TNRC6A: variants seen among roughly 807,000 people sequenced by gnomAD.
The protein encoded by TNRC6A is trinucleotide repeat containing adaptor 6A, also known as trinucleotide repeat-containing gene 6A protein.
In TNRC6A, 44 loss-of-function variants were observed where a neutral mutation model predicts 221.2. The ratio of observed to expected loss-of-function variants is 0.20; its 90% CI spans 0.16 to 0.26. TNRC6A has a LOEUF of 0.26. Among genes scored for constraint, TNRC6A ranks in the 10% least tolerant of loss-of-function variants. The pLI, the probability that TNRC6A is intolerant of heterozygous loss-of-function variation, is 1.00. For synonymous variants in TNRC6A, 847 were observed against 838.5 expected (o/e 1.01, Z -0.18); for missense variants, 2,199 against 2,404.4 (o/e 0.91, Z 1.79).
At chr16:24,696,037 C>T (rs2055851423) in intron 2 of TNRC6A, among the ~76,000 whole-genome samples, 1 of 152,106 alleles carries the variant, frequency 6.6e-6, no homozygotes, top group African/African-American at 2.4e-5. Flanking sequence ...AAAAACTCCA[C>T]TGCGCTTTTT....
chr16:24,797,152 C>G (rs1031841637), intron 9 of TNRC6A, among the ~76,000 whole-genome samples: 1 of 152,114 alleles, frequency 6.6e-6, no homozygotes, highest in Non-Finnish European at 1.5e-5. Flanking sequence ...TTCCAGAAAT[C>G]TAAATTATAA....
chr16:24,638,475 G>A (rs950195648), intron 1 of TNRC6A, among the ~76,000 whole-genome samples: 3 of 152,164 alleles, frequency 2.0e-5, no homozygotes, highest in Admixed American at 2.0e-4. Context: ...GACTTTGGGA[G>A]GCCGAGGCAG....
chr16:24,791,199 G>A lies in TNRC6A; in HGVS notation c.2557G>A (p.Ala853Thr). 1 of 1,614,176 alleles carries A rather than the reference G, an allele frequency of 6.2e-7. No individual in the cohort carries two copies. Among genetic ancestry groups the A allele is most frequent in the Non-Finnish European group, 8.5e-7 (1 of 1,180,026 alleles). The change falls in exon 6 of 25, where the codon GCC becomes ACC. Residue 853 changes from alanine (A) to threonine (T), a missense_variant. By Grantham distance (58) the Ala-to-Thr change is moderately conservative (BLOSUM62 0). Around this residue, in one of 8 missense-constraint regions of TNRC6A, gnomAD observed 1,405 missense variants for 1,400.2 expected, o/e 1.00. Transcript: ENST00000395799. ...QKSSQGWSVSASDNWGETSRN... is the reference protein window; with the variant it reads ...QKSSQGWSVSTSDNWGETSRN... ...ATCAAGCCAAGGGTGGTCTGTTTCT[G>A]CCAGTGATAACTGGGGAGAAACTTC...
At position 24,794,592 on chromosome 16, in the gene TNRC6A, C is replaced by T; in HGVS notation, c.3401C>T (p.Pro1134Leu). 6.2e-7 allele frequency: 1 copy of T among 1,613,926 alleles called. No individual in the cohort carries two copies. The highest frequency in any genetic ancestry group is 8.5e-7 in the Non-Finnish European group (1 of 1,179,922). The stretch of plus-strand genomic sequence containing the variant: ...TGGTGTGGTGATGATATGCCATTGC[C>T]TGGAAATCGCCCCACTGGCTGGGAA... ...DGWCGDDMPL[P>L]GNRPTGWEEE... Residue 1134 changes from proline to leucine, a missense_variant, in exon 8 of 25, where the codon CCT becomes CTT. Coordinates refer to ENST00000395799, the MANE Select transcript of TNRC6A (RefSeq NM_014494.4).
In TNRC6A at chr16:24,729,819, A is replaced by G; in HGVS notation, c.-23A>G. 7.1e-7 allele frequency: 1 copy of G among 1,404,346 alleles called. No individual in the cohort carries two copies. The highest frequency in any genetic ancestry group is 9.3e-7 in the Non-Finnish European group (1 of 1,072,080). The allele number at this position is 1,404,346 out of a possible 1,614,324, so 87.0% of individuals were successfully genotyped here. On this transcript the variant is annotated 5_prime_UTR_variant, in exon 1 of 25. Coordinates refer to ENST00000395799, the MANE Select transcript of TNRC6A (RefSeq NM_014494.4). ...TCGCGAGCCTCCTTCGCCGCGCCCCACTTGCTCGTGCACTTTACACACATG... is the reference window on the plus strand; with the variant it reads ...TCGCGAGCCTCCTTCGCCGCGCCCCGCTTGCTCGTGCACTTTACACACATG...
chr16:24,729,868 C>T (rs1285766923), intron 1 of TNRC6A, 22 bp downstream of exon 1: 8 of 1,282,272 alleles, frequency 6.2e-6, no homozygotes, highest in Non-Finnish European at 8.0e-6. Context: ...AAGGGCCTCC[C>T]TCCGGGCGGG....
rs1423379237 is a variant in TNRC6A at position 24,640,398 on chromosome 16, C to CA, written n.277-477dup. Among the ~76,000 whole-genome samples, 10 of 107,954 alleles carry CA rather than the reference C, an allele frequency of 9.3e-5. No individual in the cohort carries two copies. In the East Asian group the frequency reaches 1.3e-3, roughly 14 times the overall value. The allele number at this position is 107,954 out of a possible 152,430, so 70.8% of individuals were successfully genotyped here. ...CTGGGTGACAAAGTAAAATCCTGTC[C>CA]AAAAAAAAAGAAAGAAAAAAAAAAA... On this transcript the variant is annotated intron_variant and non_coding_transcript_variant, in intron 1 of 2. Coordinates refer to the TNRC6A transcript ENST00000566108.
Position 24,743,438 on chromosome 16 carries a change from G to GCCTCAT in TNRC6A, c.54-7283_54-7278dup, listed in dbSNP as rs1596591591. On this transcript the variant is annotated intron_variant, in intron 2 of 24. Transcript: ENST00000395799. ...CTTCCCTGGCTCAAGTGATCTTCCC[G>GCCTCAT]CCTCATCCTCTCGAGTAGTTGGGAC... Among the ~76,000 whole-genome samples the GCCTCAT allele has an allele frequency of 3.9e-5, 6 of 152,080 alleles. No individual in the cohort carries two copies. The East Asian group carries it at 1.2e-3, about 29-fold the overall frequency.
At chr16:24,706,361 A>G (rs1210996695) in intron 2 of TNRC6A, among the ~76,000 whole-genome samples, 1 of 152,190 alleles carries the variant, frequency 6.6e-6, no homozygotes, top group Non-Finnish European at 1.5e-5. Flanking sequence ...GTAATAAAAA[A>G]GAATTAACCC....
At chr16:24,672,407 C>G (rs541896518) in intron 2 of TNRC6A, among the ~76,000 whole-genome samples, 1 of 151,770 alleles carries the variant, frequency 6.6e-6, no homozygotes, top group Admixed American at 6.6e-5. Flanking sequence ...GGATTACAGG[C>G]GTGAGCCACC....
chr16:24,645,157 A>C (rs1371140699), intron 2 of TNRC6A, among the ~76,000 whole-genome samples: 1 of 152,230 alleles, frequency 6.6e-6, no homozygotes, highest in East Asian at 1.9e-4. Flanking sequence ...AAGCTAGTTC[A>C]TCTTTATTGG....
At chr16:24,717,138 G>T (rs1251345524) in intron 2 of TNRC6A, among the ~76,000 whole-genome samples, 3 of 152,052 alleles carry the variant, frequency 2.0e-5, no homozygotes, top group Non-Finnish European at 2.9e-5. Flanking sequence ...GAGCTGGAGT[G>T]CAGTGGTGCA....
chr16:24,719,974 G>C (rs1273203058), intron 2 of TNRC6A, among the ~76,000 whole-genome samples: 1 of 152,174 alleles, frequency 6.6e-6, no homozygotes, highest in East Asian at 1.9e-4. Context: ...GCAGGTGCTG[G>C]TCAGGAAAGT....
At chr16:24,773,795 G>T (rs1369495148) in intron 4 of TNRC6A, among the ~76,000 whole-genome samples, 2 of 150,376 alleles carry the variant, frequency 1.3e-5, no homozygotes, top group African/African-American at 4.9e-5. Context: ...TTTGAATTTT[G>T]TCTGATATCA....
intron 18 of TNRC6A, among the ~76,000 whole-genome samples, chr16:24,812,677 G>C (rs1473881501): frequency 6.6e-6 from 1 of 152,148 alleles, no homozygotes; most frequent in Non-Finnish European, 1.5e-5. Context: ...AGGCCATAGG[G>C]CTCTGCTGTG....
At chr16:24,637,186 C>G (rs1188792809) in intron 1 of TNRC6A, among the ~76,000 whole-genome samples, 6 of 152,160 alleles carry the variant, frequency 3.9e-5, no homozygotes, top group African/African-American at 1.4e-4. Context: ...GTGCATACCA[C>G]CATACCTGGC....
intron 5 of TNRC6A, among the ~76,000 whole-genome samples, chr16:24,782,445 T>G (rs2057871367): frequency 6.6e-6 from 1 of 152,210 alleles, no homozygotes; most frequent in Non-Finnish European, 1.5e-5. Flanking sequence ...CAAGCTACAA[T>G]GGCAGAGTTA....
chr16:24,625,495 G>A (rs1487070982), intron 1 of TNRC6A, among the ~76,000 whole-genome samples: 1 of 151,994 alleles, frequency 6.6e-6, no homozygotes, highest in African/African-American at 2.4e-5. Context: ...GGAGGCCGAG[G>A]CGGGTGGATC....
At chr16:24,622,364 G>A (rs1900720936) in intron 1 of TNRC6A, among the ~76,000 whole-genome samples, 1 of 152,146 alleles carries the variant, frequency 6.6e-6, no homozygotes, top group Admixed American at 6.5e-5. Context: ...ACTTTGGGAG[G>A]CCAAGGCAGG....
Sources: allele counts gnomAD v4.1 joint callset (sites outside exome capture counted in the v4.1 genomes callset), GRCh38; gene constraint gnomAD v4.1.1; regional missense constraint gnomAD v4.1.1; transcripts MANE v1.5; gene names NCBI Gene and HGNC (gene_info 2026-07-23, HGNC 2026-07-21).